KCNN2: variants seen among roughly 807,000 people sequenced by gnomAD.
The protein encoded by KCNN2 is potassium calcium-activated channel subfamily N member 2, also known as small conductance calcium-activated potassium channel protein 2.
Under a neutral mutation model 55.5 loss-of-function variants are expected in KCNN2, and 24 were observed. That is an observed-to-expected ratio of 0.43 (90% CI 0.31 to 0.61). The LOEUF (loss-of-function observed/expected upper bound fraction) is 0.61. Ranked by LOEUF, KCNN2 falls within the 20% of genes least tolerant of loss-of-function variation. The pLI is 0.08. For missense variants in KCNN2, 754 were observed against 853.6 expected (o/e 0.88, Z 1.45); for synonymous variants, 431 against 336.1 (o/e 1.28, Z -3.09).
chr5:114,431,635 C>T (rs574265281), intron 3 of KCNN2, among the ~76,000 whole-genome samples: 128 of 142,850 alleles, frequency 9.0e-4, no homozygotes, highest in African/African-American at 3.1e-3. Context: ...TGGGGTTAAA[C>T]TTCTCTTTTT....
chr5:114,128,109 G>A (rs939084233), intron 1 of KCNN2, among the ~76,000 whole-genome samples: 1 of 152,032 alleles, frequency 6.6e-6, no homozygotes, highest in Admixed American at 6.6e-5. Flanking sequence ...CAGTTCTAAA[G>A]TTGCTTCCAC....
At chr5:114,461,344 A>G (rs1761180042) in intron 3 of KCNN2, among the ~76,000 whole-genome samples, 1 of 152,152 alleles carries the variant, frequency 6.6e-6, no homozygotes, top group Non-Finnish European at 1.5e-5. Flanking sequence ...CAGCTAGGTC[A>G]TGGAGGTTGT....
intron 5 of KCNN2, among the ~76,000 whole-genome samples, chr5:114,482,996 T>TAACA (rs1762293559): frequency 6.6e-6 from 1 of 151,426 alleles, no homozygotes; most frequent in Non-Finnish European, 1.5e-5. Flanking sequence ...TTTACCTATA[T>TAACA]AACATATCTG....
At chr5:114,465,775 T>G (rs1761417539) in intron 4 of KCNN2, among the ~76,000 whole-genome samples, 1 of 152,208 alleles carries the variant, frequency 6.6e-6, no homozygotes, top group African/African-American at 2.4e-5. Context: ...CTCTCCTTCA[T>G]AAGGATCAGA....
At chr5:114,297,471 G>A in intron 2 of KCNN2, among the ~76,000 whole-genome samples, 1 of 152,144 alleles carries the variant, frequency 6.6e-6, no homozygotes, top group East Asian at 1.9e-4. Context: ...GACAGTGACA[G>A]TTCAGTGAAA....
intron 3 of KCNN2, among the ~76,000 whole-genome samples, chr5:114,449,201 C>G (rs1156706070): frequency 6.6e-6 from 1 of 152,126 alleles, no homozygotes; most frequent in Non-Finnish European, 1.5e-5. Context: ...TTCCAAGGGA[C>G]CTCTGACTAA....
chr5:114,111,232 G>T (rs1249735800), intron 1 of KCNN2, among the ~76,000 whole-genome samples: 1 of 152,120 alleles, frequency 6.6e-6, no homozygotes, highest in African/African-American at 2.4e-5. Context: ...AATGGGGAAA[G>T]GATTCCCTCT....
At chr5:114,294,949 A>G (rs1375781487) in intron 2 of KCNN2, among the ~76,000 whole-genome samples, 1 of 151,816 alleles carries the variant, frequency 6.6e-6, no homozygotes, top group Non-Finnish European at 1.5e-5. Context: ...GTCTCTTTTG[A>G]TCTTTGTTGA....
chr5:114,134,478 T>G (rs150911482), intron 1 of KCNN2, among the ~76,000 whole-genome samples: 2,858 of 137,160 alleles, frequency 0.021, 42 homozygotes, highest in African/African-American at 0.039. Context: ...TTTATTTATT[T>G]ATTTATTTAT....
intron 2 of KCNN2, among the ~76,000 whole-genome samples, chr5:114,249,396 C>G (rs1394105007): frequency 6.6e-6 from 1 of 151,652 alleles, no homozygotes; most frequent in Non-Finnish European, 1.5e-5. Flanking sequence ...CAAGCCATCT[C>G]CTGCCTCAGC....
chr5:114,159,542 C>T (rs1232712450), intron 1 of KCNN2, among the ~76,000 whole-genome samples: 3 of 152,148 alleles, frequency 2.0e-5, no homozygotes, highest in Admixed American at 6.6e-5. Context: ...AGGATTCCCT[C>T]TTTTTCTATT....
At chr5:114,472,229 T>C (rs1761776746) in intron 4 of KCNN2, among the ~76,000 whole-genome samples, 1 of 128,076 alleles carries the variant, frequency 7.8e-6, no homozygotes, top group African/African-American at 2.5e-5. Flanking sequence ...CCCCAGCAAG[T>C]AGTTGCTCGT....
chr5:114,377,575 A>C (rs1757982664), intron 2 of KCNN2, among the ~76,000 whole-genome samples: 1 of 152,072 alleles, frequency 6.6e-6, no homozygotes, highest in Non-Finnish European at 1.5e-5. Flanking sequence ...CAGAGTGTAG[A>C]CCCCAAGAGG....
intron 2 of KCNN2, among the ~76,000 whole-genome samples, chr5:114,285,195 A>G (rs1207709657): frequency 6.6e-6 from 1 of 151,316 alleles, no homozygotes; most frequent in East Asian, 2.0e-4. Flanking sequence ...GAGGCAGGAA[A>G]ATGGTGTGAA....
At chr5:114,406,477 A>T (rs998921117) in intron 3 of KCNN2, among the ~76,000 whole-genome samples, 1 of 151,926 alleles carries the variant, frequency 6.6e-6, no homozygotes, top group Non-Finnish European at 1.5e-5. Flanking sequence ...TTACTGTATA[A>T]ACTGCATTTG....
intron 2 of KCNN2, among the ~76,000 whole-genome samples, chr5:114,350,248 G>T (rs1757183851): frequency 6.6e-6 from 1 of 151,730 alleles, no homozygotes; most frequent in African/African-American, 2.4e-5. Flanking sequence ...TTTATTATTT[G>T]TTTGTGGTGA....
intron 2 of KCNN2, among the ~76,000 whole-genome samples, chr5:114,397,673 C>G (rs1561606667): frequency 6.6e-6 from 1 of 152,208 alleles, no homozygotes; most frequent in Non-Finnish European, 1.5e-5. Context: ...CAGGCGTGAG[C>G]TACCATGCCT....
intron 1 of KCNN2, among the ~76,000 whole-genome samples, chr5:114,164,540 G>A (rs114488669): frequency 6.6e-6 from 1 of 152,160 alleles, no homozygotes; most frequent in African/African-American, 2.4e-5. Flanking sequence ...GAGTTAGAAA[G>A]TAGCCACCTT....
chr5:114,294,069 T>G (rs1755953964), intron 2 of KCNN2, among the ~76,000 whole-genome samples: 1 of 152,184 alleles, frequency 6.6e-6, no homozygotes, highest in Non-Finnish European at 1.5e-5. Context: ...TGCGTCTATT[T>G]GATTCTTCTC....
Sources: allele counts gnomAD v4.1 joint callset (sites outside exome capture counted in the v4.1 genomes callset), GRCh38; gene constraint gnomAD v4.1.1; transcripts MANE v1.5; gene names NCBI Gene and HGNC (gene_info 2026-07-23, HGNC 2026-07-21).